The following NRG3 variants were observed in gnomAD, a reference collection of about 807,000 sequenced individuals.
NRG3 encodes the protein pro-neuregulin-3, membrane-bound isoform.
In NRG3, 31 loss-of-function variants were observed where a neutral mutation model predicts 66.9. The observed-to-expected ratio is 0.46, with a 90% CI of 0.35 to 0.63. The LOEUF (loss-of-function observed/expected upper bound fraction) is 0.63, where lower values mean the gene tolerates loss of function less well. Ranked by LOEUF, NRG3 falls within the 20% of genes least tolerant of loss-of-function variation. The pLI is 0.00. For missense variants in NRG3, 910 were observed against 878.9 expected, an observed-to-expected ratio of 1.04 and a Z score of -0.45; for synonymous variants, 393 against 359.4, an observed-to-expected ratio of 1.09 and a Z score of -1.06.
intron 2 of NRG3, among the ~76,000 whole-genome samples, chr10:82,514,400 A>T (rs1001778555): frequency 2.6e-5 from 4 of 152,202 alleles, no homozygotes; most frequent in African/African-American, 9.6e-5. Flanking sequence ...AATTTTCTGC[A>T]TGTGGCTAGC....
chr10:82,582,998 G>C (rs1251161303), intron 2 of NRG3, among the ~76,000 whole-genome samples: 3 of 152,096 alleles, frequency 2.0e-5, no homozygotes, highest in African/African-American at 7.2e-5. Context: ...TGAGAATTCA[G>C]CAAATCAAAT....
chr10:82,240,247 A>T (rs1438369425), intron 1 of NRG3, among the ~76,000 whole-genome samples: 1 of 151,906 alleles, frequency 6.6e-6, no homozygotes, highest in Non-Finnish European at 1.5e-5. Context: ...AACTGAAATT[A>T]AAGAGAAATT....
At chr10:82,492,737 A>G (rs1159979588) in intron 2 of NRG3, among the ~76,000 whole-genome samples, 1 of 152,238 alleles carries the variant, frequency 6.6e-6, no homozygotes, top group Non-Finnish European at 1.5e-5. Context: ...ACTTAGTCCA[A>G]TAAAGCTATA....
intron 1 of NRG3, among the ~76,000 whole-genome samples, chr10:82,039,622 T>C (rs1480468968): frequency 2.6e-5 from 4 of 152,254 alleles, no homozygotes; most frequent in East Asian, 3.9e-4. Flanking sequence ...TCGTCATTAA[T>C]TGCTACTTAG....
In NRG3 at chr10:82,293,728, C is replaced by A. The variant is rs575299200; in HGVS notation, c.824-65011C>A. ...GTTAAAGTTTCTGAGTCTTTAGAAG[C>A]TGCCTTAAATCTCTATGTGAATAAA... On this transcript the variant is annotated intron_variant, in intron 1 of 8. Coordinates refer to ENST00000372141, the MANE Select transcript of NRG3 (RefSeq NM_001010848.4). Among the ~76,000 whole-genome samples the A allele has an allele frequency of 2.2e-3, 333 of 152,172 alleles. 1 individual carries two copies. The highest frequency in any genetic ancestry group is 4.3e-3 in the Non-Finnish European group (295 of 68,008).
chr10:82,403,938 A>G (rs1035681405), intron 2 of NRG3, among the ~76,000 whole-genome samples: 1 of 152,138 alleles, frequency 6.6e-6, no homozygotes, highest in Non-Finnish European at 1.5e-5. Context: ...GAACTAATAT[A>G]TGAAAAACAA....
intron 2 of NRG3, among the ~76,000 whole-genome samples, chr10:82,377,520 C>A (rs748733698): frequency 6.6e-6 from 1 of 151,986 alleles, no homozygotes; most frequent in Non-Finnish European, 1.5e-5. Flanking sequence ...ACATAATACT[C>A]AAGTTCTGGG....
intron 2 of NRG3, among the ~76,000 whole-genome samples, chr10:82,384,448 A>G (rs1313180123): frequency 6.6e-6 from 1 of 152,126 alleles, no homozygotes; most frequent in African/African-American, 2.4e-5. Context: ...ACCCTCTGAC[A>G]GGCCCAAGTG....
At chr10:82,036,265 A>G (rs987926201) in intron 1 of NRG3, among the ~76,000 whole-genome samples, 12 of 152,126 alleles carry the variant, frequency 7.9e-5, no homozygotes, top group African/African-American at 2.4e-4. Context: ...CCTTTAAACT[A>G]GATAAACATA....
intron 2 of NRG3, among the ~76,000 whole-genome samples, chr10:82,612,444 C>T (rs889011474): frequency 2.0e-5 from 3 of 151,994 alleles, no homozygotes; most frequent in African/African-American, 7.3e-5. Flanking sequence ...AATAAATTTG[C>T]TATTATTCTG....
chr10:82,030,135 C>G (rs2062496566), intron 1 of NRG3, among the ~76,000 whole-genome samples: 1 of 152,078 alleles, frequency 6.6e-6, no homozygotes, highest in African/African-American at 2.4e-5. Flanking sequence ...CTACTCAAGT[C>G]TTTGGCTTGA....
intron 5 of NRG3, among the ~76,000 whole-genome samples, chr10:82,952,685 T>A (rs961448606): frequency 1.3e-5 from 2 of 151,852 alleles, no homozygotes; most frequent in Non-Finnish European, 2.9e-5. Context: ...CAATGTGTAA[T>A]TGCTTTTCAG....
At chr10:82,978,820 G>A in intron 7 of NRG3, 130 bp from the exon 8 acceptor site, 10 of 857,766 alleles carry the variant, frequency 1.2e-5, no homozygotes, top group Non-Finnish European at 1.8e-5. Context: ...TTCAGGGATG[G>A]CCCTGGCCTA....
intron 2 of NRG3, among the ~76,000 whole-genome samples, chr10:82,475,726 A>G (rs929243515): frequency 4.6e-5 from 7 of 152,204 alleles, no homozygotes; most frequent in African/African-American, 1.7e-4. Context: ...TAAATTTAAA[A>G]TGCTAAAAAT....
At chr10:82,492,599 GGTATTA>G (rs1448910277) in intron 2 of NRG3, among the ~76,000 whole-genome samples, 1 of 152,100 alleles carries the variant, frequency 6.6e-6, no homozygotes, top group Non-Finnish European at 1.5e-5. Context: ...AGTAGTCTTA[GGTATTA>G]TGAAACCCAG....
chr10:82,099,492 C>G (rs1312286828), intron 1 of NRG3, among the ~76,000 whole-genome samples: 1 of 152,158 alleles, frequency 6.6e-6, no homozygotes, highest in African/African-American at 2.4e-5. Context: ...AGTCTTGAAA[C>G]CAGGTATTGT....
At chr10:81,930,677 C>T (rs561907267) in intron 1 of NRG3, among the ~76,000 whole-genome samples, 65 of 152,138 alleles carry the variant, frequency 4.3e-4, no homozygotes, top group South Asian at 2.3e-3. Context: ...AGTGTCTCCC[C>T]GAGGAAAAGT....
Position 82,774,819 on chromosome 10 carries a change from T to C in NRG3, c.1027+36169T>C, listed in dbSNP as rs958808312. Among the ~76,000 whole-genome samples the C allele has an allele frequency of 8.4e-5, 12 of 143,322 alleles. 1 individual carries two copies. The highest frequency in any genetic ancestry group is 3.3e-4 in the African/African-American group (12 of 36,044). The allele number at this position is 143,322 out of a possible 152,430, so 94.0% of individuals were successfully genotyped here. A position where few individuals can be genotyped will look rare whatever the true frequency, so the allele number is the denominator to read the frequency against. On this transcript the variant is annotated intron_variant, in intron 3 of 8. Transcript: ENST00000372141. The stretch of plus-strand genomic sequence containing the variant: ...CCAGTTTTATTTTCCTTTTTCTTTT[T>C]TCTTTTTTTTTTTTTTTTTTTTTGA...
chr10:82,976,775 T>C (rs1382460885), intron 7 of NRG3, among the ~76,000 whole-genome samples: 3 of 152,066 alleles, frequency 2.0e-5, no homozygotes, highest in Admixed American at 6.5e-5. Context: ...TGTGTCCCCT[T>C]CCTCCCTGCT....
Sources: gnomAD v4.1 joint callset for allele counts (sites outside exome capture counted in the v4.1 genomes callset) on GRCh38, gnomAD v4.1.1 for gene constraint, MANE v1.5 for transcripts, NCBI Gene and HGNC (gene_info 2026-07-23, HGNC 2026-07-21) for gene names.